SH3GL2: variants seen among roughly 807,000 people sequenced by gnomAD.
SH3GL2 encodes SH3 domain containing GRB2 like 2, endophilin A1.
In SH3GL2, 24 loss-of-function variants were observed where a neutral mutation model predicts 46.0. That is an observed-to-expected ratio of 0.52 (90% CI 0.38 to 0.73). The LOEUF (loss-of-function observed/expected upper bound fraction) is 0.73. SH3GL2 is among the 30% of genes least tolerant of loss of function. The pLI is 0.00. For synonymous variants in SH3GL2, 196 were observed against 147.1 expected, an observed-to-expected ratio of 1.33 and a Z score of -2.40; for missense variants, 413 against 424.2, an observed-to-expected ratio of 0.97 and a Z score of 0.23.
chr9:17,654,386 T>C (rs1483425370), intron 1 of SH3GL2, among the ~76,000 whole-genome samples: 1 of 152,186 alleles, frequency 6.6e-6, no homozygotes, highest in Non-Finnish European at 1.5e-5. Flanking sequence ...GTTTTGTGTG[T>C]TCACTGAAGA....
chr9:17,663,437 T>G (rs1166990837), intron 1 of SH3GL2, among the ~76,000 whole-genome samples: 3 of 152,222 alleles, frequency 2.0e-5, no homozygotes, highest in Admixed American at 2.0e-4. Flanking sequence ...TGCATTCTGT[T>G]AGACTGAAAT....
chr9:17,729,980 T>TC (rs201211827), intron 1 of SH3GL2, among the ~76,000 whole-genome samples: 16 of 152,120 alleles, frequency 1.1e-4, no homozygotes, highest in Admixed American at 2.6e-4. Context: ...TAAAGTAGTT[T>TC]TTTCTAATTC....
At chr9:17,737,120 C>T (rs774247779) in intron 1 of SH3GL2, among the ~76,000 whole-genome samples, 3 of 152,046 alleles carry the variant, frequency 2.0e-5, no homozygotes, top group Non-Finnish European at 4.4e-5. Context: ...CAAAACACCA[C>T]ATGTTCTCAC....
At chr9:17,633,034 C>T (rs1819467732) in intron 1 of SH3GL2, among the ~76,000 whole-genome samples, 1 of 152,208 alleles carries the variant, frequency 6.6e-6, no homozygotes, top group Non-Finnish European at 1.5e-5. Context: ...AGCCTGCAAC[C>T]TGTCAGCCTT....
intron 1 of SH3GL2, among the ~76,000 whole-genome samples, chr9:17,584,014 T>C (rs1818323963): frequency 6.6e-6 from 1 of 152,208 alleles, no homozygotes; most frequent in Non-Finnish European, 1.5e-5. Context: ...GGCTTGTTGC[T>C]TGACCCAGGA....
At chr9:17,692,872 G>A (rs1588245742) in intron 1 of SH3GL2, among the ~76,000 whole-genome samples, 1 of 152,200 alleles carries the variant, frequency 6.6e-6, no homozygotes, top group African/African-American at 2.4e-5. Flanking sequence ...TAACATGGTG[G>A]TGGCAAGAGA....
intron 7 of SH3GL2, 109 bp from the exon 8 acceptor site, chr9:17,793,258 A>T (rs770911941): frequency 8.5e-6 from 8 of 941,752 alleles, no homozygotes; most frequent in Non-Finnish European, 1.3e-5. Flanking sequence ...ACACTTCATC[A>T]TGGTAGCATG....
At chr9:17,685,622 G>C (rs898022731) in intron 1 of SH3GL2, among the ~76,000 whole-genome samples, 11 of 152,132 alleles carry the variant, frequency 7.2e-5, no homozygotes, top group African/African-American at 2.6e-4. Flanking sequence ...ATTGATTTTT[G>C]TATAAGGTGT....
chr9:17,784,887 A>G (rs1157234691), intron 3 of SH3GL2, among the ~76,000 whole-genome samples: 1 of 151,824 alleles, frequency 6.6e-6, no homozygotes, highest in African/African-American at 2.4e-5. Flanking sequence ...TAACTTTTAA[A>G]TTTTTCTGTA....
At chr9:17,688,632 G>A (rs970882056) in intron 1 of SH3GL2, among the ~76,000 whole-genome samples, 5 of 152,008 alleles carry the variant, frequency 3.3e-5, no homozygotes, top group Admixed American at 2.6e-4. Flanking sequence ...TTTGTAGTGC[G>A]AGAGAGGAAA....
intron 3 of SH3GL2, among the ~76,000 whole-genome samples, chr9:17,766,469 C>T (rs1026833729): frequency 7.9e-5 from 12 of 152,196 alleles, no homozygotes; most frequent in Admixed American, 2.0e-4. Context: ...GTTTTCTTTA[C>T]ATATTCTGAT....
rs147252607 is a variant in SH3GL2 at position 17,591,986 on chromosome 9, T to C, written c.45+12699T>C. Among the ~76,000 whole-genome samples the C allele has an allele frequency of 4.1e-3, 632 of 152,344 alleles. 7 individuals carry two copies. The highest frequency in any genetic ancestry group is 0.014 in the African/African-American group (602 of 41,574). On this transcript the variant is annotated intron_variant, in intron 1 of 8. Transcript: ENST00000380607. ...CCAGCAAAACAGAACCAACATGATA[T>C]GTAGATACATGAGAGGGATTTATTA...
intron 1 of SH3GL2, among the ~76,000 whole-genome samples, chr9:17,696,848 A>G (rs546197046): frequency 6.6e-6 from 1 of 152,292 alleles, no homozygotes; most frequent in African/African-American, 2.4e-5. Flanking sequence ...TGTGGATGCT[A>G]AAACCAAAAT....
At chr9:17,760,964 G>C (rs765337067) in intron 2 of SH3GL2, among the ~76,000 whole-genome samples, 12 of 152,174 alleles carry the variant, frequency 7.9e-5, no homozygotes, top group Non-Finnish European at 8.8e-5. Context: ...TTCAAGGACA[G>C]ACTAGAAGTC....
At position 17,795,206 on chromosome 9, in the gene SH3GL2, C is replaced by T. The variant is rs1478526132; in HGVS notation, c.860-338C>T. 4.6e-5 allele frequency among the ~76,000 whole-genome samples: 7 copies of T among 152,214 alleles called. No individual in the cohort carries two copies. The East Asian group carries it at 1.3e-3, about 29-fold the overall frequency. On this transcript the variant is annotated intron_variant, in intron 8 of 8. Transcript: ENST00000380607. ...TTATATTCTTCTTAAGTCATTGTCC[C>T]TCCTATTTCTGGGCATTATCACGAA...
chr9:17,745,361 A>T (rs1263375437), intron 1 of SH3GL2, among the ~76,000 whole-genome samples: 1 of 152,212 alleles, frequency 6.6e-6, no homozygotes, highest in East Asian at 1.9e-4. Flanking sequence ...TATACACTTT[A>T]TTGGTGAGAG....
intron 1 of SH3GL2, among the ~76,000 whole-genome samples, chr9:17,678,195 C>G (rs1388086735): frequency 6.6e-6 from 1 of 151,966 alleles, no homozygotes; most frequent in African/African-American, 2.4e-5. Context: ...TTCTAGATCC[C>G]TGAGGAATCG....
chr9:17,621,226 A>C (rs1163429522), intron 1 of SH3GL2, among the ~76,000 whole-genome samples: 1 of 152,260 alleles, frequency 6.6e-6, no homozygotes, highest in Admixed American at 6.5e-5. Flanking sequence ...ATAATTTTAC[A>C]ATGAATGTCT....
At chr9:17,734,036 G>A (rs922421006) in intron 1 of SH3GL2, among the ~76,000 whole-genome samples, 3 of 151,826 alleles carry the variant, frequency 2.0e-5, no homozygotes, top group East Asian at 1.9e-4. Context: ...ACTTAATATA[G>A]GTCCCTTCTA....
Sources: gnomAD v4.1 joint callset for allele counts (sites outside exome capture counted in the v4.1 genomes callset) on GRCh38, gnomAD v4.1.1 for gene constraint, MANE v1.5 for transcripts, NCBI Gene and HGNC (gene_info 2026-07-23, HGNC 2026-07-21) for gene names.